The following SNTG2 variants were observed in gnomAD, a reference collection of about 807,000 sequenced individuals.
SNTG2 encodes the protein gamma-2-syntrophin.
In SNTG2, 74 loss-of-function variants were observed where a neutral mutation model predicts 70.9. The ratio of observed to expected loss-of-function variants is 1.04; its 90% CI spans 0.86 to 1.27. The LOEUF is 1.27. Ranked by LOEUF, SNTG2 falls within the 50% of genes most tolerant of loss-of-function variation. The pLI is 0.00. For synonymous variants in SNTG2, 278 were observed against 273.8 expected (o/e 1.02, Z -0.15); for missense variants, 717 against 690.7 (o/e 1.04, Z -0.43).
intron 1 of SNTG2, among the ~76,000 whole-genome samples, chr2:990,063 G>C (rs1445581178): frequency 6.6e-6 from 1 of 150,628 alleles, no homozygotes; most frequent in East Asian, 1.9e-4. Flanking sequence ...TGACTCACAC[G>C]CAGCTTTATG....
chr2:1,114,510 CTAAG>C (rs1254897344), intron 4 of SNTG2, among the ~76,000 whole-genome samples: 7 of 151,766 alleles, frequency 4.6e-5, no homozygotes, highest in African/African-American at 1.7e-4. Flanking sequence ...ATCATGTGTA[CTAAG>C]TGAGGTTTCA....
At chr2:1,138,292 T>C (rs1031258012) in intron 6 of SNTG2, among the ~76,000 whole-genome samples, 10 of 152,202 alleles carry the variant, frequency 6.6e-5, no homozygotes, top group African/African-American at 2.4e-4. Context: ...CCTCTGAGGA[T>C]CACATAAGAT....
chr2:1,216,378 C>T (rs185403611), intron 9 of SNTG2, among the ~76,000 whole-genome samples: 1 of 152,254 alleles, frequency 6.6e-6, no homozygotes, highest in African/African-American at 2.4e-5. Flanking sequence ...TGTTCATGTC[C>T]TTCGCTCACT....
At chr2:1,190,639 C>T (rs1281461454) in intron 8 of SNTG2, among the ~76,000 whole-genome samples, 1 of 149,356 alleles carries the variant, frequency 6.7e-6, no homozygotes, top group Non-Finnish European at 1.5e-5. Context: ...TTTACAATTA[C>T]AATAAAGGAC....
intron 1 of SNTG2, among the ~76,000 whole-genome samples, chr2:961,331 T>C (rs1428846460): frequency 1.3e-5 from 2 of 152,152 alleles, no homozygotes; most frequent in Non-Finnish European, 2.9e-5. Flanking sequence ...TTTTAATATA[T>C]TTTTAGTAGA....
Position 1,291,678 on chromosome 2 carries a change from G to A in SNTG2, c.1285-16816G>A, listed in dbSNP as rs190477379. Among the ~76,000 whole-genome samples the A allele has an allele frequency of 4.5e-3, 686 of 152,232 alleles. 7 individuals are homozygous for A. The highest frequency in any genetic ancestry group is 0.015 in the African/African-American group (641 of 41,556). On this transcript the variant is annotated intron_variant, in intron 14 of 16. Coordinates refer to ENST00000308624, the MANE Select transcript of SNTG2 (RefSeq NM_018968.4). ...CACCTATGTGAGGGTTTCTTTCATC[G>A]CTCTCTGTTCTGTTCCATTGATCTA...
At chr2:969,928 C>T (rs1020754800) in intron 1 of SNTG2, among the ~76,000 whole-genome samples, 2 of 152,128 alleles carry the variant, frequency 1.3e-5, no homozygotes, top group African/African-American at 4.8e-5. Flanking sequence ...GAGTGGGCAT[C>T]CCTGTCTGCT....
At chr2:1,290,784 G>A (rs1679959519) in intron 14 of SNTG2, among the ~76,000 whole-genome samples, 1 of 152,098 alleles carries the variant, frequency 6.6e-6, no homozygotes. Context: ...TGTGGACACA[G>A]AGCCAAACCA....
chr2:975,091 AC>A (rs1660866407), intron 1 of SNTG2, among the ~76,000 whole-genome samples: 1 of 151,796 alleles, frequency 6.6e-6, no homozygotes, highest in African/African-American at 2.4e-5. Flanking sequence ...ACCCACTCAC[AC>A]CCATGAACAA....
At chr2:988,962 TAA>T (rs1661414216) in intron 1 of SNTG2, among the ~76,000 whole-genome samples, 3 of 152,254 alleles carry the variant, frequency 2.0e-5, no homozygotes, top group African/African-American at 4.8e-5. Context: ...CATATTTTGT[TAA>T]GTTTATGACT....
intron 14 of SNTG2, among the ~76,000 whole-genome samples, chr2:1,305,796 T>G (rs1680644204): frequency 6.6e-6 from 1 of 152,126 alleles, no homozygotes; most frequent in African/African-American, 2.4e-5. Flanking sequence ...TAAGCCCCTT[T>G]GGAGATTATG....
Position 1,206,066 on chromosome 2 carries a change from CA to C in SNTG2, c.592-3035del, listed in dbSNP as rs1249542036. 7.9e-5 allele frequency among the ~76,000 whole-genome samples: 12 copies of C among 152,236 alleles called. No homozygotes were observed. In the South Asian group the frequency reaches 2.3e-3, roughly 29 times the overall value. ...AGCTCTGCATTCCTGTTGGAAGCAG[CA>C]AGATTACAAAAAGCTGACAGGTACA... On this transcript the variant is annotated intron_variant, in intron 8 of 16. Coordinates refer to ENST00000308624, the MANE Select transcript of SNTG2 (RefSeq NM_018968.4).
chr2:956,585 C>G (rs533198693), intron 1 of SNTG2, among the ~76,000 whole-genome samples: 4 of 152,248 alleles, frequency 2.6e-5, no homozygotes, highest in Non-Finnish European at 4.4e-5. Context: ...CCCAGGGCCC[C>G]GGCCCACCCG....
chr2:1,112,361 G>A (rs988373401), intron 4 of SNTG2, among the ~76,000 whole-genome samples: 1 of 151,688 alleles, frequency 6.6e-6, no homozygotes, highest in Admixed American at 6.6e-5. Context: ...AGAATCGTGT[G>A]TACTAACTGA....
intron 6 of SNTG2, among the ~76,000 whole-genome samples, chr2:1,148,797 C>T (rs1164555935): frequency 6.7e-6 from 1 of 149,476 alleles, no homozygotes; most frequent in Non-Finnish European, 1.5e-5. Context: ...GGAATGGAAA[C>T]AAGGAAGTGA....
At chr2:1,221,292 T>C (rs1041189920) in intron 9 of SNTG2, among the ~76,000 whole-genome samples, 40 of 151,522 alleles carry the variant, frequency 2.6e-4, no homozygotes, top group Admixed American at 1.3e-4. Flanking sequence ...TCTCTCTGTC[T>C]CTCTGTCCCT....
At chr2:1,242,080 A>G (rs1677089189) in intron 11 of SNTG2, among the ~76,000 whole-genome samples, 2 of 152,164 alleles carry the variant, frequency 1.3e-5, no homozygotes, top group Non-Finnish European at 2.9e-5. Context: ...TTGATCTTAG[A>G]GCTGAGCTTC....
intron 1 of SNTG2, among the ~76,000 whole-genome samples, chr2:952,388 G>A (rs1660003268): frequency 6.6e-6 from 1 of 152,216 alleles, no homozygotes; most frequent in Non-Finnish European, 1.5e-5. Flanking sequence ...TTTAATCATT[G>A]TAATTATAGC....
At chr2:967,832 C>A (rs1378115148) in intron 1 of SNTG2, among the ~76,000 whole-genome samples, 1 of 152,168 alleles carries the variant, frequency 6.6e-6, no homozygotes, top group Non-Finnish European at 1.5e-5. Flanking sequence ...AGATTGAGAC[C>A]AGCCTGGCCA....
Sources: allele counts gnomAD v4.1 joint callset (sites outside exome capture counted in the v4.1 genomes callset), GRCh38; gene constraint gnomAD v4.1.1; transcripts MANE v1.5; gene names NCBI Gene and HGNC (gene_info 2026-07-23, HGNC 2026-07-21).